DOCK2: variants seen among roughly 807,000 people sequenced by gnomAD.
DOCK2 encodes dedicator of cytokinesis 2.
DOCK2 carries 87 observed loss-of-function variants against 248.9 expected under a neutral mutation model. The observed-to-expected ratio is 0.35, with a 90% CI of 0.29 to 0.42. DOCK2 has a LOEUF of 0.42. Among genes scored for constraint, DOCK2 ranks in the 10% least tolerant of loss-of-function variants. DOCK2 has a pLI of 1.00. For synonymous variants in DOCK2, 805 were observed against 821.6 expected, an observed-to-expected ratio of 0.98 and a Z score of 0.35; for missense variants, 1,747 against 2,300.2, an observed-to-expected ratio of 0.76 and a Z score of 4.92.
chr5:170,052,387 T>G (rs1317142934), intron 41 of DOCK2, among the ~76,000 whole-genome samples: 1 of 152,176 alleles, frequency 6.6e-6, no homozygotes. Flanking sequence ...TGTGGCCTTT[T>G]AACATGAGGC....
At chr5:169,946,001 C>G (rs1776433715) in intron 27 of DOCK2, among the ~76,000 whole-genome samples, 1 of 152,094 alleles carries the variant, frequency 6.6e-6, no homozygotes, top group Non-Finnish European at 1.5e-5. Context: ...CCGGTGCCAT[C>G]CCCTCCTCCC....
intron 46 of DOCK2, among the ~76,000 whole-genome samples, chr5:170,073,457 T>C (rs1371920109): frequency 1.3e-5 from 2 of 152,208 alleles, no homozygotes; most frequent in African/African-American, 2.4e-5. Flanking sequence ...AATTTTAAAA[T>C]AACCTTGCCA....
intron 27 of DOCK2, among the ~76,000 whole-genome samples, chr5:169,936,406 T>C (rs1361724712): frequency 6.6e-6 from 1 of 152,042 alleles, no homozygotes; most frequent in Non-Finnish European, 1.5e-5. Context: ...AAACTGAGGA[T>C]CCAGGAAGTG....
chr5:169,681,113 C>A (rs1021239669), intron 6 of DOCK2, among the ~76,000 whole-genome samples: 4 of 94,198 alleles, frequency 4.2e-5, no homozygotes, highest in East Asian at 3.2e-4. Flanking sequence ...TTTAGTAGAC[C>A]TTTTTTTTTT....
chr5:169,876,524 C>T (rs919305697), intron 27 of DOCK2, among the ~76,000 whole-genome samples: 2 of 152,198 alleles, frequency 1.3e-5, no homozygotes, highest in East Asian at 3.8e-4. Flanking sequence ...GGACAGAAGT[C>T]CTGGGCAATA....
At chr5:170,016,687 A>G (rs752950435) in intron 32 of DOCK2, among the ~76,000 whole-genome samples, 9 of 152,212 alleles carry the variant, frequency 5.9e-5, no homozygotes, top group Non-Finnish European at 1.3e-4. Flanking sequence ...ATCATGCCCA[A>G]TGCCCTCCAG....
At chr5:169,863,885 T>G (rs1403303615) in intron 27 of DOCK2, among the ~76,000 whole-genome samples, 1 of 152,186 alleles carries the variant, frequency 6.6e-6, no homozygotes, top group Admixed American at 6.5e-5. Flanking sequence ...ACAACACTAT[T>G]TTTTTCTTTT....
At chr5:169,774,116 G>A (rs1765248472) in intron 25 of DOCK2, among the ~76,000 whole-genome samples, 1 of 152,090 alleles carries the variant, frequency 6.6e-6, no homozygotes, top group African/African-American at 2.4e-5. Context: ...GATTTTGCTA[G>A]GTTATTTTTC....
intron 26 of DOCK2, among the ~76,000 whole-genome samples, chr5:169,820,510 G>T (rs1233620237): frequency 6.6e-6 from 1 of 152,204 alleles, no homozygotes; most frequent in East Asian, 1.9e-4. Context: ...AGGCAAACAG[G>T]TCTGGAGTGG....
At chr5:169,685,756 A>G (rs953248373) in intron 8 of DOCK2, among the ~76,000 whole-genome samples, 1 of 152,210 alleles carries the variant, frequency 6.6e-6, no homozygotes. Context: ...GGGTCTGTAC[A>G]TTGTCTCATC....
intron 30 of DOCK2, among the ~76,000 whole-genome samples, chr5:170,001,432 C>A (rs541870324): frequency 6.6e-6 from 1 of 152,056 alleles, no homozygotes; most frequent in East Asian, 1.9e-4. Context: ...AGGAGAAGAG[C>A]GATTTCAGCA....
intron 27 of DOCK2, among the ~76,000 whole-genome samples, chr5:169,917,013 T>G (rs1414797559): frequency 6.6e-6 from 1 of 152,218 alleles, no homozygotes; most frequent in Non-Finnish European, 1.5e-5. Flanking sequence ...ATATGGTGGA[T>G]CTCAGAGAGC....
At chr5:170,061,599 G>A (rs903615542) in intron 44 of DOCK2, among the ~76,000 whole-genome samples, 7 of 152,202 alleles carry the variant, frequency 4.6e-5, no homozygotes, top group Admixed American at 2.0e-4. Context: ...TGACCTGAAA[G>A]TTACATATTT....
intron 27 of DOCK2, chr5:169,882,457 G>T: frequency 1.9e-6 from 2 of 1,038,964 alleles, no homozygotes; most frequent in Non-Finnish European, 1.4e-6. Context: ...ACATTTTGGA[G>T]ACATTTTTAC....
intron 27 of DOCK2, among the ~76,000 whole-genome samples, chr5:169,919,272 C>T (rs766784942): frequency 6.6e-6 from 1 of 152,164 alleles, no homozygotes; most frequent in African/African-American, 2.4e-5. Flanking sequence ...AGAGGTGGGG[C>T]CCAAATGAGT....
intron 44 of DOCK2, among the ~76,000 whole-genome samples, chr5:170,059,387 G>A (rs983521848): frequency 2.6e-5 from 4 of 152,108 alleles, no homozygotes; most frequent in Non-Finnish European, 5.9e-5. Flanking sequence ...TCAATCTGTA[G>A]CCTCTGCCCA....
chr5:170,009,899 C>A (rs945927459), intron 32 of DOCK2, among the ~76,000 whole-genome samples: 63 of 152,200 alleles, frequency 4.1e-4, no homozygotes, highest in African/African-American at 1.4e-3. Flanking sequence ...CAGGTTGGTT[C>A]ACAAAGCCCA....
intron 22 of DOCK2, among the ~76,000 whole-genome samples, chr5:169,729,289 C>T (rs1311182131): frequency 2.0e-5 from 3 of 152,178 alleles, no homozygotes; most frequent in Admixed American, 6.5e-5. Context: ...TGATCTTCGT[C>T]AAATGTACTT....
At chr5:169,940,943 A>G (rs1776218651) in intron 27 of DOCK2, among the ~76,000 whole-genome samples, 1 of 152,160 alleles carries the variant, frequency 6.6e-6, no homozygotes, top group Non-Finnish European at 1.5e-5. Context: ...TGTCTAATAG[A>G]ATGCCGATAG....
Sources: gnomAD v4.1 joint callset for allele counts (sites outside exome capture counted in the v4.1 genomes callset) on GRCh38, gnomAD v4.1.1 for gene constraint, MANE v1.5 for transcripts, NCBI Gene and HGNC (gene_info 2026-07-23, HGNC 2026-07-21) for gene names.